LY86: variants seen among roughly 807,000 people sequenced by gnomAD.
LY86 encodes MD-1, RP105-associated.
LY86 carries 20 observed loss-of-function variants against 17.3 expected under a neutral mutation model. That is an observed-to-expected ratio of 1.15 (90% CI 0.81 to 1.68). The LOEUF (loss-of-function observed/expected upper bound fraction) is 1.68. Ranked by LOEUF, LY86 falls within the 40% of genes most tolerant of loss-of-function variation. The pLI, the probability that LY86 is intolerant of heterozygous loss-of-function variation, is 0.00. For synonymous variants in LY86, 74 were observed against 70.6 expected, an observed-to-expected ratio of 1.05 and a Z score of -0.24; for missense variants, 200 against 191.9, an observed-to-expected ratio of 1.04 and a Z score of -0.25.
chr6:6,601,601 TCC>T (rs1760911100), intron 1 of LY86, among the ~76,000 whole-genome samples: 1 of 152,044 alleles, frequency 6.6e-6, no homozygotes, highest in Admixed American at 6.6e-5. Context: ...GCACCTGTAG[TCC>T]CAGCTACTCA....
intron 3 of LY86, among the ~76,000 whole-genome samples, chr6:6,646,819 C>T (rs1344702660): frequency 1.3e-5 from 2 of 152,182 alleles, no homozygotes; most frequent in Non-Finnish European, 2.9e-5. Flanking sequence ...GAAACTCCAA[C>T]CCAACCATTG....
At chr6:6,590,632 G>C (rs1376963213) in intron 1 of LY86, among the ~76,000 whole-genome samples, 1 of 152,194 alleles carries the variant, frequency 6.6e-6, no homozygotes, top group Non-Finnish European at 1.5e-5. Flanking sequence ...GATCACATCT[G>C]CTGTTAGAGG....
chr6:6,654,588 C>T lies in LY86; in HGVS notation c.450C>T (p.Ser150=). 6.2e-7 allele frequency: 1 copy of T among 1,614,194 alleles called. No homozygotes were observed. The highest frequency in any genetic ancestry group is 2.2e-5 in the East Asian group (1 of 44,888). Residue 150 remains serine (S), a synonymous_variant, in exon 5 of 5, where the codon TCC becomes TCT. Transcript: ENST00000230568. ...VLLELYTEKR[S]TVACANATIM... ...TGGAACTGTACACTGAAAAACGGTC[C>T]ACCGTGGCCTGTGCCAATGCTACTA... is the stretch of plus-strand genomic sequence containing the variant.
chr6:6,614,109 A>G (rs1245075025), intron 1 of LY86, among the ~76,000 whole-genome samples: 4 of 152,186 alleles, frequency 2.6e-5, no homozygotes, highest in Non-Finnish European at 1.5e-5. Context: ...ATCAGTGTTT[A>G]GGAAACAAAA....
At chr6:6,611,989 C>CTGAATACTGAACACTA (rs1761355222) in intron 1 of LY86, among the ~76,000 whole-genome samples, 1 of 72,110 alleles carries the variant, frequency 1.4e-5, no homozygotes, top group African/African-American at 7.4e-5. Context: ...ACCCCCTTAA[C>CTGAATACTGAACACTA]TGAGTACTGA....
chr6:6,614,372 C>T (rs1344561059), intron 1 of LY86, among the ~76,000 whole-genome samples: 2 of 135,490 alleles, frequency 1.5e-5, no homozygotes, highest in Non-Finnish European at 3.1e-5. Context: ...TTTATAATCA[C>T]GTCTCTTTTT....
intron 1 of LY86, among the ~76,000 whole-genome samples, chr6:6,603,615 C>CAAAAAAAAAAA (rs1221531073): frequency 6.0e-4 from 68 of 114,120 alleles, no homozygotes; most frequent in South Asian, 8.4e-4. Context: ...GAAAAAAAAA[C>CAAAAAAAAAAA]AAACAAAAAA....
At chr6:6,610,325 A>T (rs755436010) in intron 1 of LY86, among the ~76,000 whole-genome samples, 2 of 152,116 alleles carry the variant, frequency 1.3e-5, no homozygotes, top group Non-Finnish European at 2.9e-5. Flanking sequence ...ATTTCAAGAT[A>T]AAAAGATTTT....
At chr6:6,629,436 T>C (rs1761865517) in intron 3 of LY86, among the ~76,000 whole-genome samples, 1 of 152,152 alleles carries the variant, frequency 6.6e-6, no homozygotes. Flanking sequence ...CAGGGAGAAC[T>C]AAAGTCAATC....
chr6:6,614,369 T>C (rs1469734161), intron 1 of LY86, among the ~76,000 whole-genome samples: 1 of 141,400 alleles, frequency 7.1e-6, no homozygotes, highest in Non-Finnish European at 1.5e-5. Context: ...TTATTTATAA[T>C]CACGTCTCTT....
At chr6:6,610,542 T>C (rs1319006757) in intron 1 of LY86, among the ~76,000 whole-genome samples, 1 of 150,994 alleles carries the variant, frequency 6.6e-6, no homozygotes, top group Non-Finnish European at 1.5e-5. Context: ...AACGGAAGCT[T>C]AGGGGGGGGC....
chr6:6,597,170 G>A (rs781062092), intron 1 of LY86, among the ~76,000 whole-genome samples: 5 of 152,216 alleles, frequency 3.3e-5, no homozygotes, highest in East Asian at 1.9e-4. Context: ...ACCCAGGCCC[G>A]CAGGAGGGGG....
At chr6:6,653,628 T>A (rs1762218926) in intron 4 of LY86, among the ~76,000 whole-genome samples, 1 of 152,200 alleles carries the variant, frequency 6.6e-6, no homozygotes, top group Non-Finnish European at 1.5e-5. Flanking sequence ...CCAGCAAGGA[T>A]CCCCAAAGGC....
intron 4 of LY86, among the ~76,000 whole-genome samples, chr6:6,650,902 T>A (rs912172284): frequency 6.6e-6 from 1 of 152,158 alleles, no homozygotes; most frequent in East Asian, 1.9e-4. Flanking sequence ...CACTCTGGTA[T>A]CTATCTTTCC....
chr6:6,604,960 C>G (rs1273879848), intron 1 of LY86, among the ~76,000 whole-genome samples: 3 of 151,576 alleles, frequency 2.0e-5, no homozygotes, highest in Non-Finnish European at 4.4e-5. Context: ...ACCTAGAATT[C>G]TATATACAGT....
chr6:6,616,827 A>G (rs1208606315), intron 1 of LY86, among the ~76,000 whole-genome samples: 2 of 152,226 alleles, frequency 1.3e-5, no homozygotes, highest in African/African-American at 4.8e-5. Context: ...CAGTCACGTA[A>G]ACCACCCTGT....
chr6:6,653,007 G>C (rs983972542), intron 4 of LY86, among the ~76,000 whole-genome samples: 1 of 152,096 alleles, frequency 6.6e-6, no homozygotes, highest in Admixed American at 6.5e-5. Context: ...AATTTGAGCC[G>C]GTCTTTACTC....
chr6:6,639,301 G>A (rs1762005396), intron 3 of LY86, among the ~76,000 whole-genome samples: 1 of 151,634 alleles, frequency 6.6e-6, no homozygotes, highest in South Asian at 2.1e-4. Context: ...GTTCTGAAGG[G>A]CCCTTTGTGG....
chr6:6,613,907 G>C (rs1453265422), intron 1 of LY86, among the ~76,000 whole-genome samples: 1 of 152,260 alleles, frequency 6.6e-6, no homozygotes, highest in African/African-American at 2.4e-5. Flanking sequence ...GCGAAGCAAG[G>C]TGTTGCTAGA....
Sources: allele counts gnomAD v4.1 joint callset (sites outside exome capture counted in the v4.1 genomes callset), GRCh38; gene constraint gnomAD v4.1.1; transcripts MANE v1.5; gene names NCBI Gene and HGNC (gene_info 2026-07-23, HGNC 2026-07-21).